SRGAP2: variants seen among roughly 807,000 people sequenced by gnomAD.
SRGAP2 encodes SLIT-ROBO Rho GTPase activating protein 2, also known as SLIT-ROBO Rho GTPase-activating protein 2.
In SRGAP2, 15 loss-of-function variants were observed where a neutral mutation model predicts 57.2. The observed-to-expected ratio is 0.26, with a 90% CI of 0.18 to 0.40. The LOEUF (loss-of-function observed/expected upper bound fraction) is 0.40, where lower values mean the gene tolerates loss of function less well. SRGAP2 is among the 10% of genes least tolerant of loss of function. SRGAP2 has a pLI of 1.00. For missense variants in SRGAP2, 520 were observed against 669.6 expected (o/e 0.78, Z 2.47); for synonymous variants, 249 against 248.0 (o/e 1.00, Z -0.04).
At chr1:206,413,597 A>G (rs1465155423) in intron 10 of SRGAP2, among the ~76,000 whole-genome samples, 1 of 152,196 alleles carries the variant, frequency 6.6e-6, no homozygotes, top group African/African-American at 2.4e-5. Context: ...CGGGCACACT[A>G]GGGGCTTGGT....
At chr1:206,418,710 A>G (rs565308838) in intron 11 of SRGAP2, among the ~76,000 whole-genome samples, 5 of 152,162 alleles carry the variant, frequency 3.3e-5, no homozygotes, top group Non-Finnish European at 5.9e-5. Context: ...CCTAAGGCCC[A>G]CTGTTAGATT....
chr1:206,306,278 G>A (rs1215244858), intron 3 of SRGAP2, among the ~76,000 whole-genome samples: 3 of 151,862 alleles, frequency 2.0e-5, no homozygotes, highest in African/African-American at 4.8e-5. Context: ...AGATGTGTTC[G>A]GAGTTTCTTC....
chr1:206,247,374 G>A (rs1668557893), intron 2 of SRGAP2, among the ~76,000 whole-genome samples: 1 of 149,396 alleles, frequency 6.7e-6, no homozygotes, highest in Admixed American at 6.7e-5. Flanking sequence ...CTGTCAAGAT[G>A]CTGGCCCCAA....
chr1:206,426,176 T>C (rs1293805160), intron 13 of SRGAP2, among the ~76,000 whole-genome samples: 1 of 152,176 alleles, frequency 6.6e-6, no homozygotes, highest in Non-Finnish European at 1.5e-5. Context: ...ACTCTCTGCC[T>C]TCATGCAATC....
In SRGAP2 at chr1:206,446,917, A is replaced by G. The variant is rs183395316; in HGVS notation, c.2099+618A>G. 1.8e-3 allele frequency among the ~76,000 whole-genome samples: 279 copies of G among 152,262 alleles called. 1 individual carries two copies. Among genetic ancestry groups the G allele is most frequent in the African/African-American group, 6.1e-3 (253 of 41,542 alleles). ...GAGATCTAAAAGGAATCCCTGGGATATATGTTTGCTAGACCCCTCTGTTTG... is the reference window on the plus strand; with the variant it reads ...GAGATCTAAAAGGAATCCCTGGGATGTATGTTTGCTAGACCCCTCTGTTTG... On this transcript the variant is annotated intron_variant, in intron 18 of 22. Coordinates refer to ENST00000573034, the MANE Select transcript of SRGAP2 (RefSeq NM_015326.5).
chr1:206,424,078 C>T (rs1322502211), intron 13 of SRGAP2, among the ~76,000 whole-genome samples: 2 of 151,432 alleles, frequency 1.3e-5, no homozygotes, highest in African/African-American at 4.9e-5. Flanking sequence ...TAGGCGTGAG[C>T]CACCACGCCC....
intron 17 of SRGAP2, among the ~76,000 whole-genome samples, chr1:206,443,500 G>A (rs1318753297): frequency 3.9e-5 from 6 of 152,008 alleles, no homozygotes; most frequent in Admixed American, 6.6e-5. Context: ...TCAGTCTCCC[G>A]AGTAGCTGGG....
chr1:206,428,192 G>A (rs1458204075), intron 13 of SRGAP2, among the ~76,000 whole-genome samples: 3 of 152,012 alleles, frequency 2.0e-5, no homozygotes, highest in Admixed American at 6.5e-5. Context: ...CGAGACAGGC[G>A]GATCACGAGG....
intron 3 of SRGAP2, among the ~76,000 whole-genome samples, chr1:206,341,305 A>G (rs1432146741): frequency 3.9e-5 from 6 of 152,232 alleles, no homozygotes; most frequent in Non-Finnish European, 1.5e-5. Context: ...GGAGCAGGGA[A>G]GAGAGGAAAG....
chr1:206,402,162 T>C (rs1185636728), intron 8 of SRGAP2, among the ~76,000 whole-genome samples: 1 of 152,132 alleles, frequency 6.6e-6, no homozygotes, highest in African/African-American at 2.4e-5. Flanking sequence ...TTCTGAATAA[T>C]CTTATTCTCC....
At chr1:206,268,562 C>T (rs1670018892) in intron 2 of SRGAP2, among the ~76,000 whole-genome samples, 1 of 151,750 alleles carries the variant, frequency 6.6e-6, no homozygotes, top group African/African-American at 2.4e-5. Context: ...AAAATGGGAG[C>T]ATAATGGAGG....
At position 206,454,474 on chromosome 1, in the gene SRGAP2, A is replaced by C. The variant is rs782075399; in HGVS notation, c.2361-404A>C. ...GCCGCCGTCTCCAGAGCCACCACACAGTTGACTGTCCTTACCCGGCAGTGC... is the reference window on the plus strand; with the variant it reads ...GCCGCCGTCTCCAGAGCCACCACACCGTTGACTGTCCTTACCCGGCAGTGC... On this transcript the variant is annotated intron_variant, in intron 20 of 22. Transcript: ENST00000573034. This position sits in a 1 kb window ranked among gnomAD's most constrained non-coding sequence, Gnocchi z 4.3. The C allele has an allele frequency of 2.1e-6, 1 of 471,334 alleles. No homozygotes were observed. Among genetic ancestry groups the C allele is most frequent in the East Asian group, 3.6e-5 (1 of 27,502 alleles). 29.2% of individuals were successfully genotyped at this position (471,334 alleles called of 1,614,324 possible). A position where few individuals can be genotyped will look rare whatever the true frequency, so the allele number is the denominator to read the frequency against.
chr1:206,449,885 A>G (rs1031067997), intron 18 of SRGAP2, among the ~76,000 whole-genome samples: 2 of 152,220 alleles, frequency 1.3e-5, no homozygotes, highest in Non-Finnish European at 2.9e-5. Flanking sequence ...ACAGCTGAGG[A>G]TATAGATCTT....
intron 4 of SRGAP2, among the ~76,000 whole-genome samples, chr1:206,354,398 G>T (rs1676273433): frequency 6.6e-6 from 1 of 152,152 alleles, no homozygotes; most frequent in Non-Finnish European, 1.5e-5. Flanking sequence ...TTAAGGCATG[G>T]CCTTTCTGGG....
At chr1:206,455,094 C>G (rs1663711750) in intron 21 of SRGAP2, 70 bp downstream of exon 21, 1 of 776,470 alleles carries the variant, frequency 1.3e-6, no homozygotes, top group African/African-American at 1.7e-5. Flanking sequence ...TCTGGCCTAA[C>G]CCCCATCTCC....
intron 8 of SRGAP2, among the ~76,000 whole-genome samples, chr1:206,404,752 G>A (rs868915820): frequency 2.0e-5 from 3 of 152,176 alleles, no homozygotes; most frequent in Admixed American, 6.5e-5. Flanking sequence ...CTGGCTTCAC[G>A]CTTTCTCATT....
chr1:206,318,997 T>G (rs1315333296), intron 3 of SRGAP2, among the ~76,000 whole-genome samples: 5 of 152,170 alleles, frequency 3.3e-5, no homozygotes, highest in Non-Finnish European at 5.9e-5. Flanking sequence ...CTTAGTGCCC[T>G]CTGAAGGACG....
intron 15 of SRGAP2, among the ~76,000 whole-genome samples, chr1:206,437,464 G>T (rs143579368): frequency 0.013 from 1,920 of 152,338 alleles, 24 homozygotes; most frequent in South Asian, 0.026. Context: ...TATATATAGT[G>T]TCAATTTGAG....
rs781945701 is a variant in SRGAP2 at position 206,458,805 on chromosome 1, G to A, written c.2690G>A (p.Gly897Glu). Residue 897 changes from glycine (G) to glutamate (E), a missense_variant, in exon 22 of 23, where the codon GGG (glycine) becomes GAG (glutamate). By Grantham distance (98) the Gly-to-Glu change is moderately conservative (BLOSUM62 -2). Around this residue, in one of 5 missense-constraint regions of SRGAP2, gnomAD observed 478 missense variants for 373.6 expected, o/e 1.28. Coordinates refer to ENST00000573034, the MANE Select transcript of SRGAP2 (RefSeq NM_015326.5). ...KEGPDKCSIS[G>E]HGSLNSISRH... ...GGGCCAGATAAGTGTTCCATCAGTGGGCACGGGAGCCTCAACTCCATCAGC... is the reference window on the plus strand; with the variant it reads ...GGGCCAGATAAGTGTTCCATCAGTGAGCACGGGAGCCTCAACTCCATCAGC... 5 of 780,626 alleles carry A rather than the reference G, an allele frequency of 6.4e-6. No homozygotes were observed. Among genetic ancestry groups the A allele is most frequent in the African/African-American group, 1.7e-5 (1 of 59,100 alleles). 48.4% of individuals were successfully genotyped at this position (780,626 alleles called of 1,614,324 possible).
Sources: gnomAD v4.1 joint callset for allele counts (sites outside exome capture counted in the v4.1 genomes callset) on GRCh38, gnomAD v4.1.1 for gene constraint, gnomAD v4.1.1 regional missense constraint, Gnocchi (gnomAD v3.1) non-coding constraint, MANE v1.5 for transcripts, NCBI Gene and HGNC (gene_info 2026-07-23, HGNC 2026-07-21) for gene names.